The following NMNAT2 variants were observed in gnomAD, a reference collection of about 807,000 sequenced individuals.
NMNAT2 encodes nicotinamide nucleotide adenylyltransferase 2, also known as nicotinamide/nicotinic acid mononucleotide adenylyltransferase 2.
Under a neutral mutation model 41.6 loss-of-function variants are expected in NMNAT2, and 11 were observed. The ratio of observed to expected loss-of-function variants is 0.26; its 90% CI spans 0.17 to 0.44. The LOEUF (loss-of-function observed/expected upper bound fraction) is 0.44, where lower values mean the gene tolerates loss of function less well. Among genes scored for constraint, NMNAT2 ranks in the 20% least tolerant of loss-of-function variants. The pLI, the probability that NMNAT2 is intolerant of heterozygous loss-of-function variation, is 1.00. For synonymous variants in NMNAT2, 148 were observed against 151.2 expected, an observed-to-expected ratio of 0.98 and a Z score of 0.16; for missense variants, 288 against 407.7, an observed-to-expected ratio of 0.71 and a Z score of 2.53.
intron 1 of NMNAT2, among the ~76,000 whole-genome samples, chr1:183,323,785 G>A (rs570025391): frequency 6.6e-6 from 1 of 152,256 alleles, no homozygotes; most frequent in East Asian, 1.9e-4. Context: ...TCTGACAAAG[G>A]TAGTTGTAAA....
intron 1 of NMNAT2, among the ~76,000 whole-genome samples, chr1:183,399,303 A>G (rs190515543): frequency 7.5e-4 from 115 of 152,348 alleles, no homozygotes; most frequent in Non-Finnish European, 1.3e-3. Context: ...AATAAACTAG[A>G]AAATCTAGAA....
chr1:183,360,472 C>A (rs1217933979), intron 1 of NMNAT2, among the ~76,000 whole-genome samples: 6 of 152,028 alleles, frequency 3.9e-5, no homozygotes, highest in Admixed American at 6.6e-5. Flanking sequence ...TTCAGACACC[C>A]ATTTCACAGG....
intron 1 of NMNAT2, among the ~76,000 whole-genome samples, chr1:183,358,676 T>G (rs1216121213): frequency 6.6e-6 from 1 of 152,184 alleles, no homozygotes; most frequent in Admixed American, 6.5e-5. Context: ...GCCTCATCAC[T>G]TTTTTCCCCT....
intron 1 of NMNAT2, among the ~76,000 whole-genome samples, chr1:183,343,916 C>G (rs930796480): frequency 6.6e-6 from 1 of 152,124 alleles, no homozygotes; most frequent in Non-Finnish European, 1.5e-5. Flanking sequence ...CTAACTCCAC[C>G]CCCAGCCAAC....
chr1:183,334,163 C>G (rs1307082604), intron 1 of NMNAT2, among the ~76,000 whole-genome samples: 2 of 152,138 alleles, frequency 1.3e-5, no homozygotes, highest in South Asian at 4.2e-4. Context: ...CTCTTTCGGG[C>G]TCAAGCAATT....
chr1:183,412,246 C>T (rs180899424), intron 1 of NMNAT2, among the ~76,000 whole-genome samples: 18 of 152,286 alleles, frequency 1.2e-4, no homozygotes, highest in Admixed American at 5.9e-4. Context: ...TTTATTGAGA[C>T]GGAGTCTCGC....
intron 7 of NMNAT2, among the ~76,000 whole-genome samples, chr1:183,281,736 C>T (rs1333838604): frequency 6.6e-6 from 1 of 152,194 alleles, no homozygotes; most frequent in African/African-American, 2.4e-5. Context: ...TAGGGCAGCC[C>T]TGGAGGAGCA....
intron 1 of NMNAT2, among the ~76,000 whole-genome samples, chr1:183,379,826 A>G (rs1663763499): frequency 6.6e-6 from 1 of 152,236 alleles, no homozygotes. Context: ...TACATTCATG[A>G]TATAGTCATA....
chr1:183,406,812 CTTTTTTTTTTT>C (rs58394186), intron 1 of NMNAT2, among the ~76,000 whole-genome samples: 1 of 88,666 alleles, frequency 1.1e-5, no homozygotes, highest in Non-Finnish European at 2.1e-5. Flanking sequence ...TCTGCCATTC[CTTTTTTTTTTT>C]TTTTTTTTTT....
At chr1:183,380,920 AGAG>A (rs1421103774) in intron 1 of NMNAT2, among the ~76,000 whole-genome samples, 1 of 152,184 alleles carries the variant, frequency 6.6e-6, no homozygotes, top group East Asian at 1.9e-4. Context: ...GGTTTTCAGT[AGAG>A]GAGAGACATA....
chr1:183,415,171 G>A (rs1469758607), intron 1 of NMNAT2, among the ~76,000 whole-genome samples: 3 of 152,052 alleles, frequency 2.0e-5, no homozygotes, highest in African/African-American at 7.2e-5. Flanking sequence ...TTGTAGAGAT[G>A]GGGTTTCACC....
At chr1:183,406,301 C>G (rs1420881582) in intron 1 of NMNAT2, among the ~76,000 whole-genome samples, 1 of 152,052 alleles carries the variant, frequency 6.6e-6, no homozygotes. Context: ...GCTTGTGAAG[C>G]CGAAAGAGAA....
chr1:183,335,987 CTCTGTGAAACTCATT>C (rs1230578780), intron 1 of NMNAT2, among the ~76,000 whole-genome samples: 3 of 152,194 alleles, frequency 2.0e-5, no homozygotes, highest in Non-Finnish European at 4.4e-5. Context: ...GGTATCTGAA[CTCTGTGAAACTCATT>C]TCTGTGAGAA....
At chr1:183,397,883 C>T (rs547457795) in intron 1 of NMNAT2, among the ~76,000 whole-genome samples, 68 of 152,232 alleles carry the variant, frequency 4.5e-4, no homozygotes, top group African/African-American at 1.5e-3. Flanking sequence ...CACCACCAGG[C>T]CTGCCCTAAA....
intron 1 of NMNAT2, among the ~76,000 whole-genome samples, chr1:183,410,628 C>G (rs1249163669): frequency 1.3e-5 from 2 of 152,102 alleles, no homozygotes; most frequent in East Asian, 3.9e-4. Flanking sequence ...TCTGTCCTTC[C>G]CTGTGCTCAC....
chr1:183,317,794 T>C (rs1173799138), intron 1 of NMNAT2, among the ~76,000 whole-genome samples: 1 of 152,204 alleles, frequency 6.6e-6, no homozygotes, highest in African/African-American at 2.4e-5. Context: ...CCCAGGGCTT[T>C]TGACACTAGC....
intron 10 of NMNAT2, among the ~76,000 whole-genome samples, chr1:183,259,072 A>G (rs1660593208): frequency 6.6e-6 from 1 of 152,168 alleles, no homozygotes; most frequent in South Asian, 2.1e-4. Context: ...GGGTGGTTAC[A>G]CCCTGACCTT....
intron 1 of NMNAT2, among the ~76,000 whole-genome samples, chr1:183,325,787 T>G (rs1361612513): frequency 6.6e-6 from 1 of 152,114 alleles, no homozygotes; most frequent in African/African-American, 2.4e-5. Flanking sequence ...GTAATAAGGG[T>G]CAAACCTATT....
rs181439928 is a variant in NMNAT2, at chr1:183,380,892, T to C, written c.85+37291A>G. ...ATGTCTTCCCACATTGTTGTGCAGG[T>C]AATTGGGAGCCAGAGGAGGTTTTCA... On this transcript the variant is annotated intron_variant, in intron 1 of 10. Transcript: ENST00000287713. 3.7e-4 allele frequency among the ~76,000 whole-genome samples: 56 copies of C among 152,158 alleles called. 1 individual carries two copies. The East Asian group carries it at 7.7e-3, about 21-fold the overall frequency.
Sources: allele counts gnomAD v4.1 joint callset (sites outside exome capture counted in the v4.1 genomes callset), GRCh38; gene constraint gnomAD v4.1.1; transcripts MANE v1.5; gene names NCBI Gene and HGNC (gene_info 2026-07-23, HGNC 2026-07-21).